The following RASA3 variants were observed in gnomAD, a reference collection of about 807,000 sequenced individuals.
The protein encoded by RASA3 is ras GTPase-activating protein 3.
RASA3 carries 73 observed loss-of-function variants against 110.0 expected under a neutral mutation model. That is an observed-to-expected ratio of 0.66 (90% confidence interval 0.55 to 0.81). The LOEUF (loss-of-function observed/expected upper bound fraction) is 0.81. RASA3 is among the 30% of genes least tolerant of loss of function. The pLI is 0.00. For synonymous variants in RASA3, 500 were observed against 451.4 expected, an observed-to-expected ratio of 1.11 and a Z score of -1.37; for missense variants, 976 against 1,113.2, an observed-to-expected ratio of 0.88 and a Z score of 1.75.
rs560968330 is a variant in RASA3 at position 114,126,921 on chromosome 13, G to A, written c.55+5514C>T. ...CGGGTGTCTGATTCCAAGTGGGTTC[G>A]CTACGTCCACGTCTCCCCCGAGGGC... On this transcript the variant is annotated intron_variant, in intron 1 of 23. Coordinates refer to ENST00000334062, the MANE Select transcript of RASA3 (RefSeq NM_007368.4). Among the ~76,000 whole-genome samples, 15 of 151,964 alleles carry A rather than the reference G, an allele frequency of 9.9e-5. No homozygotes were observed. In the East Asian group the frequency reaches 1.5e-3, roughly 16 times the overall value.
intron 1 of RASA3, among the ~76,000 whole-genome samples, chr13:114,126,823 A>G (rs2080456955): frequency 6.6e-6 from 1 of 152,218 alleles, no homozygotes; most frequent in African/African-American, 2.4e-5. Flanking sequence ...CAAACCAAGA[A>G]ACCAAGGCAG....
At chr13:114,043,047 C>T (rs972252620) in intron 3 of RASA3, among the ~76,000 whole-genome samples, 21 of 152,224 alleles carry the variant, frequency 1.4e-4, no homozygotes, top group Admixed American at 2.0e-4. Context: ...CTCATGCGAG[C>T]GAGACCTCTC....
intron 1 of RASA3, among the ~76,000 whole-genome samples, chr13:114,116,968 GA>G (rs1415522761): frequency 1.5e-5 from 2 of 137,500 alleles, no homozygotes; most frequent in African/African-American, 2.8e-5. Flanking sequence ...GCACGTGTGT[GA>G]GGGGAGCACG....
At chr13:114,097,777 G>C (rs1197272247) in intron 1 of RASA3, among the ~76,000 whole-genome samples, 2 of 152,254 alleles carry the variant, frequency 1.3e-5, no homozygotes, top group Non-Finnish European at 2.9e-5. Context: ...CAAGAGGCGG[G>C]AGAGAGTGGG....
chr13:114,053,265 C>T (rs1457096015), intron 2 of RASA3, among the ~76,000 whole-genome samples: 2 of 151,896 alleles, frequency 1.3e-5, no homozygotes, highest in African/African-American at 2.4e-5. Flanking sequence ...GAGATGCAGC[C>T]GCCCCACAGA....
intron 1 of RASA3, among the ~76,000 whole-genome samples, chr13:114,124,609 G>A (rs2139797186): frequency 6.6e-6 from 1 of 152,272 alleles, no homozygotes; most frequent in South Asian, 2.1e-4. Context: ...CTTCACCTGT[G>A]CCAGAGCCTC....
In RASA3 at chr13:114,048,936, A is replaced by G. The variant is rs537822263; in HGVS notation, c.277+3116T>C. Among the ~76,000 whole-genome samples the G allele has an allele frequency of 6.6e-6, 1 of 151,834 alleles. No homozygotes were observed. Among genetic ancestry groups the G allele is most frequent in the East Asian group, 1.9e-4 (1 of 5,138 alleles). On this transcript the variant is annotated intron_variant, in intron 3 of 23. Transcript: ENST00000334062. The surrounding 1 kb of genome is among the most constrained non-coding windows in gnomAD (Gnocchi z 4.3). ...CAAGTCTCACTTGCCGGGGCGCCGT[A>G]TCCCGGCACGGCTTCAGCTGCCTTT...
intron 1 of RASA3, among the ~76,000 whole-genome samples, chr13:114,079,210 T>C (rs2079740751): frequency 6.6e-6 from 1 of 152,198 alleles, no homozygotes; most frequent in Non-Finnish European, 1.5e-5. Context: ...ACTGGCCGCG[T>C]CCACCCAGGC....
In RASA3 at chr13:114,057,864, G is replaced by A. The variant is rs1014065956; in HGVS notation, c.174-5709C>T. On this transcript the variant is annotated intron_variant, in intron 2 of 23. Transcript: ENST00000334062. The surrounding 1 kb of genome is among the most constrained non-coding windows in gnomAD (Gnocchi z 5.0). ...AATGGCTTCCCTGGGGTGCGGGCTCGGCCTGCAGGATGGAGGCTGGAGAGC... is the reference window on the plus strand; with the variant it reads ...AATGGCTTCCCTGGGGTGCGGGCTCAGCCTGCAGGATGGAGGCTGGAGAGC... Among the ~76,000 whole-genome samples the A allele has an allele frequency of 1.3e-5, 2 of 152,164 alleles. No homozygotes were observed. The highest frequency in any genetic ancestry group is 1.9e-4 in the East Asian group (1 of 5,186).
rs770485108 is a variant in RASA3, at chr13:113,981,751, C to T, written c.2353G>A (p.Ala785Thr). ...ETYKTLKQVIAGVGALEQEHA... is the reference protein window; with the variant it reads ...ETYKTLKQVITGVGALEQEHA... ...TCCTGCTCCAAAGCCCCAACCCCAG[C>T]GATGACTTGCTTTAGCGTCTTGTAG... is the stretch of plus-strand genomic sequence containing the variant. Residue 785 changes from alanine to threonine, a missense_variant, in exon 23 of 24, where the codon GCT becomes ACT. This residue lies in a region of RASA3 where 132 missense variants were observed against 152.8 expected (regional missense o/e 0.86). Transcript: ENST00000334062. 9.5e-5 allele frequency: 154 copies of T among 1,614,046 alleles called. No homozygotes were observed. The highest frequency in any genetic ancestry group is 1.2e-4 in the Admixed American group (7 of 60,012).
Position 114,029,774 on chromosome 13 carries a change from C to G in RASA3, c.449+37G>C, listed in dbSNP as rs541401902. ...CTCCTCGGGAGCCAGACATGCCACT[C>G]GCTGTGCGCTCGGTCTCTAGTGAGG... On this transcript the variant is annotated intron_variant, in intron 5 of 23. Transcript: ENST00000334062. 119 of 1,555,982 alleles carry G rather than the reference C, an allele frequency of 7.6e-5. No individual in the cohort carries two copies. The Admixed American group carries it at 8.7e-4, about 11-fold the overall frequency.
chr13:114,027,361 C>T, intron 7 of RASA3, 28 bp downstream of exon 7: 1 of 1,554,956 alleles, frequency 6.4e-7, no homozygotes. Flanking sequence ...AGAGTTTCCA[C>T]TTAACGTTGA....
intron 1 of RASA3, among the ~76,000 whole-genome samples, chr13:114,081,027 A>G (rs111611622): frequency 4.6e-5 from 3 of 65,166 alleles, no homozygotes; most frequent in African/African-American, 2.9e-4. Flanking sequence ...AGAGTGCCCC[A>G]CGGCAGAGGG....
chr13:114,083,198 A>G (rs1397402643), intron 1 of RASA3, among the ~76,000 whole-genome samples: 3 of 152,282 alleles, frequency 2.0e-5, no homozygotes, highest in Non-Finnish European at 4.4e-5. Flanking sequence ...TTTAAATGCC[A>G]GAAAAACATT....
chr13:113,979,290 A>C lies in RASA3; in HGVS notation c.*57T>G. On this transcript the variant is annotated 3_prime_UTR_variant, in exon 24 of 24. Transcript: ENST00000334062. ...GCTCTTCCTTCTCTTCTCCCTCCCA[A>C]AGGCTGCGGCTTTGCATGGGCAGCT... 6.8e-7 allele frequency: 1 copy of C among 1,470,874 alleles called. No homozygotes were observed. Among genetic ancestry groups the C allele is most frequent in the Non-Finnish European group, 9.5e-7 (1 of 1,050,938 alleles). The allele number at this position is 1,470,874 out of a possible 1,614,324, so 91.1% of individuals were successfully genotyped here.
intron 2 of RASA3, among the ~76,000 whole-genome samples, chr13:114,052,855 C>G (rs868042814): frequency 4.0e-3 from 470 of 116,360 alleles, no homozygotes; most frequent in Non-Finnish European, 6.8e-3. Context: ...GTAGAGTCCT[C>G]GCTCCTGGGG....
At chr13:114,076,607 T>G (rs1207224230) in intron 1 of RASA3, among the ~76,000 whole-genome samples, 1 of 151,488 alleles carries the variant, frequency 6.6e-6, no homozygotes, top group Non-Finnish European at 1.5e-5. Flanking sequence ...GCAGGCAGGG[T>G]GTGTGATGAG....
chr13:114,041,121 C>G, intron 3 of RASA3, 27 bp from the exon 4 acceptor site: 1 of 1,601,024 alleles, frequency 6.2e-7, no homozygotes, highest in Non-Finnish European at 8.6e-7. Flanking sequence ...GAAGACTTCA[C>G]CACGGGCACA....
At chr13:114,111,159 C>G (rs113808438) in intron 1 of RASA3, among the ~76,000 whole-genome samples, 5 of 81,812 alleles carry the variant, frequency 6.1e-5, no homozygotes, top group African/African-American at 1.8e-4. Flanking sequence ...AGCTGCAGGC[C>G]GAGTTCTAAC....
Sources: gnomAD v4.1 joint callset for allele counts (sites outside exome capture counted in the v4.1 genomes callset) on GRCh38, gnomAD v4.1.1 for gene constraint, gnomAD v4.1.1 regional missense constraint, Gnocchi (gnomAD v3.1) non-coding constraint, MANE v1.5 for transcripts, NCBI Gene and HGNC (gene_info 2026-07-23, HGNC 2026-07-21) for gene names.